ZC3H13: variants seen among roughly 807,000 people sequenced by gnomAD.
ZC3H13 encodes the protein zinc finger CCCH-type containing 13, also known as zinc finger CCCH domain-containing protein 13.
In ZC3H13, 64 loss-of-function variants were observed where a neutral mutation model predicts 204.1. The ratio of observed to expected loss-of-function variants is 0.31; its 90% CI spans 0.26 to 0.39. The LOEUF (loss-of-function observed/expected upper bound fraction) is 0.39. ZC3H13 is among the 10% of genes least tolerant of loss of function. The pLI, the probability that ZC3H13 is intolerant of heterozygous loss-of-function variation, is 1.00. For synonymous variants in ZC3H13, 667 were observed against 693.7 expected, an observed-to-expected ratio of 0.96 and a Z score of 0.60; for missense variants, 1,833 against 2,082.7, an observed-to-expected ratio of 0.88 and a Z score of 2.33.
chr13:46,022,173 A>G (rs2042257332), intron 4 of ZC3H13, among the ~76,000 whole-genome samples: 2 of 151,834 alleles, frequency 1.3e-5, no homozygotes, highest in Non-Finnish European at 3.0e-5. Flanking sequence ...TTAAAATTAT[A>G]ATTTTTGAAT....
chr13:46,027,107 A>AT (rs1372817098), intron 4 of ZC3H13, among the ~76,000 whole-genome samples: 6 of 151,494 alleles, frequency 4.0e-5, no homozygotes, highest in South Asian at 2.1e-4. Flanking sequence ...GGTGTTTTTT[A>AT]TTTTTTTTTA....
intron 18 of ZC3H13, among the ~76,000 whole-genome samples, chr13:45,959,166 ACT>A (rs1449300805): frequency 1.3e-5 from 2 of 151,788 alleles, no homozygotes; most frequent in East Asian, 3.9e-4. Context: ...TATCCTCATC[ACT>A]CTAAGAAATT....
At chr13:46,040,471 G>C (rs989008947) in intron 4 of ZC3H13, among the ~76,000 whole-genome samples, 29 of 152,040 alleles carry the variant, frequency 1.9e-4, no homozygotes, top group African/African-American at 6.8e-4. Flanking sequence ...AAATATAAGA[G>C]CTAAAACCAG....
At chr13:46,009,044 G>A (rs1482750438) in intron 7 of ZC3H13, among the ~76,000 whole-genome samples, 2 of 152,148 alleles carry the variant, frequency 1.3e-5, no homozygotes. Context: ...ATAAGTCACA[G>A]CTGAAATATA....
At chr13:45,985,193 T>C in intron 10 of ZC3H13, 104 bp downstream of exon 10, 2 of 1,189,426 alleles carry the variant, frequency 1.7e-6, no homozygotes, top group Non-Finnish European at 2.3e-6. Flanking sequence ...TAAAAATTAC[T>C]GTGACAAAAT....
intron 17 of ZC3H13, among the ~76,000 whole-genome samples, chr13:45,960,096 C>T (rs912697064): frequency 4.6e-5 from 7 of 152,116 alleles, no homozygotes; most frequent in Admixed American, 2.0e-4. Context: ...GGATTACAGG[C>T]GTACACCACC....
rs536644724 is a variant in ZC3H13, at chr13:45,988,447, C to T, written c.1255+340G>A. 1.1e-4 allele frequency among the ~76,000 whole-genome samples: 17 copies of T among 152,124 alleles called. No homozygotes were observed. In the South Asian group the frequency reaches 3.1e-3, roughly 28 times the overall value. ...TAATTTTTTGTATTTTTAGTAGAGA[C>T]GGGGTCTCACCATATTAGCCAGGAT... is the stretch of plus-strand genomic sequence containing the variant. On this transcript the variant is annotated intron_variant, in intron 9 of 18. Coordinates refer to ENST00000679008, the MANE Select transcript of ZC3H13 (RefSeq NM_001330564.2).
chr13:45,980,083 T>C, intron 10 of ZC3H13, 79 bp from the exon 11 acceptor site: 1 of 1,157,942 alleles, frequency 8.6e-7, no homozygotes, highest in Non-Finnish European at 1.2e-6. Context: ...TCTTTCCTCC[T>C]AAACATCACT....
rs778259890 is a variant in ZC3H13 at position 45,988,880 on chromosome 13, G to C, written c.1162C>G (p.Pro388Ala). ...CGCATTGGAGAGCGATGTCTTGGAG[G>C]ACTCTGCTTTCTCTGGGGAGACGAC... is the stretch of plus-strand genomic sequence containing the variant. The part of the protein sequence containing the change: ...SLSSPQRKQS[P>A]PRHRSPMREK... The change falls in exon 9 of 19, where the codon CCT becomes GCT. Residue 388 changes from proline to alanine, a missense_variant. By Grantham distance (27) the Pro-to-Ala change is conservative. Transcript: ENST00000679008. The C allele has an allele frequency of 2.5e-6, 4 of 1,614,180 alleles. No homozygotes were observed. Among genetic ancestry groups the C allele is most frequent in the Non-Finnish European group, 3.4e-6 (4 of 1,180,042 alleles).
At position 46,034,625 on chromosome 13, in the gene ZC3H13, G is replaced by A. The variant is rs576910182; in HGVS notation, c.339+7539C>T. Among the ~76,000 whole-genome samples the A allele has an allele frequency of 1.1e-4, 17 of 152,184 alleles. 1 individual carries two copies. The South Asian group carries it at 1.2e-3, about 11-fold the overall frequency. On this transcript the variant is annotated intron_variant, in intron 4 of 18. Transcript: ENST00000679008. ...CAAAAAGGCATGAAGATATGTTTTC[G>A]GTTGACAGATATGTTCTGTATCTTG...
At chr13:46,020,997 T>C (rs1311690239) in intron 4 of ZC3H13, among the ~76,000 whole-genome samples, 2 of 151,954 alleles carry the variant, frequency 1.3e-5, no homozygotes, top group East Asian at 3.8e-4. Flanking sequence ...GATTTGTAAG[T>C]GATTATATTT....
chr13:45,966,767 G>C (rs772851497), intron 15 of ZC3H13, among the ~76,000 whole-genome samples: 2 of 152,196 alleles, frequency 1.3e-5, no homozygotes, highest in African/African-American at 2.4e-5. Flanking sequence ...GCCTCGAGCA[G>C]AGAAGGCTTC....
intron 11 of ZC3H13, 39 bp from the exon 12 acceptor site, chr13:45,975,877 C>T (rs928696882): frequency 1.9e-6 from 3 of 1,591,730 alleles, no homozygotes; most frequent in Middle Eastern, 1.7e-4. Context: ...ATTAATTTGA[C>T]AGATAACCTA....
intron 4 of ZC3H13, among the ~76,000 whole-genome samples, chr13:46,023,819 A>C (rs2042368908): frequency 3.9e-5 from 6 of 152,172 alleles, no homozygotes; most frequent in Admixed American, 3.9e-4. Flanking sequence ...GCTCTGCCTA[A>C]TGTTGACTTC....
chr13:45,977,655 A>G (rs748685425), intron 11 of ZC3H13, among the ~76,000 whole-genome samples: 46 of 152,038 alleles, frequency 3.0e-4, no homozygotes, highest in Non-Finnish European at 1.2e-4. Context: ...CTTCTAAAAT[A>G]TTTCTTTGTT....
At position 45,988,821 on chromosome 13, in the gene ZC3H13, T is replaced by C. The variant is rs2039753213; in HGVS notation, c.1221A>G (p.Ser407=). 3 of 1,613,744 alleles carry C rather than the reference T, an allele frequency of 1.9e-6. No individual in the cohort carries two copies. Among genetic ancestry groups the C allele is most frequent in the Non-Finnish European group, 2.5e-6 (3 of 1,179,756 alleles). Residue 407 remains serine, a synonymous_variant, in exon 9 of 19, where the codon TCA becomes TCG. Transcript: ENST00000679008. The part of the protein sequence containing the change: ...EKGRHDHERT[S]QSHDRRHERR... ...TTTCATGGCGTCGATCATGAGACTG[T>C]GAAGTTCGTTCATGATCATGTCTCC...
At chr13:45,978,468 C>A (rs112830735) in intron 11 of ZC3H13, among the ~76,000 whole-genome samples, 1 of 152,020 alleles carries the variant, frequency 6.6e-6, no homozygotes, top group Admixed American at 6.6e-5. Flanking sequence ...AGCTCTGGAA[C>A]CTACTTCTCT....
chr13:45,998,563 G>A lies in ZC3H13; in HGVS notation c.944+4576C>T, dbSNP rs189864840. Among the ~76,000 whole-genome samples, 357 of 151,962 alleles carry A rather than the reference G, an allele frequency of 2.3e-3. 4 individuals carry two copies. Among genetic ancestry groups the A allele is most frequent in the African/African-American group, 8.0e-3 (331 of 41,404 alleles). On this transcript the variant is annotated intron_variant, in intron 8 of 18. Coordinates refer to ENST00000679008, the MANE Select transcript of ZC3H13 (RefSeq NM_001330564.2). Reference sequence around the variant, plus strand: ...ACTCGGGAGGCTGAGGCAGGAGAATGGCATGAATCCAGGAGATGGAGCTTG... The same window carrying A: ...ACTCGGGAGGCTGAGGCAGGAGAATAGCATGAATCCAGGAGATGGAGCTTG...
intron 8 of ZC3H13, among the ~76,000 whole-genome samples, chr13:45,989,960 T>C (rs1462723654): frequency 6.6e-6 from 1 of 152,226 alleles, no homozygotes; most frequent in Non-Finnish European, 1.5e-5. Flanking sequence ...GCTAAAAGCT[T>C]ATTCAAAAAA....
Sources: gnomAD v4.1 joint callset for allele counts (sites outside exome capture counted in the v4.1 genomes callset) on GRCh38, gnomAD v4.1.1 for gene constraint, MANE v1.5 for transcripts, NCBI Gene and HGNC (gene_info 2026-07-23, HGNC 2026-07-21) for gene names.